COL27A1: variants seen among roughly 807,000 people sequenced by gnomAD.
COL27A1 encodes collagen alpha-1(XXVII) chain.
Under a neutral mutation model 251.3 loss-of-function variants are expected in COL27A1, and 106 were observed. That is an observed-to-expected ratio of 0.42 (90% CI 0.36 to 0.50). The LOEUF is 0.50. Among genes scored for constraint, COL27A1 ranks in the 20% least tolerant of loss-of-function variants. The pLI is 0.00. For missense variants in COL27A1, 2,325 were observed against 2,522.8 expected, an observed-to-expected ratio of 0.92 and a Z score of 1.68; for synonymous variants, 1,000 against 986.3, an observed-to-expected ratio of 1.01 and a Z score of -0.26.
chr9:114,266,809 G>A (rs1171093287), intron 33 of COL27A1, among the ~76,000 whole-genome samples, 191 bp downstream of exon 33: 1 of 152,184 alleles, frequency 6.6e-6, no homozygotes, highest in East Asian at 1.9e-4. Flanking sequence ...GGCATAGGTT[G>A]AGGAGCTGGC....
chr9:114,248,188 C>G (rs1193144473), intron 24 of COL27A1, among the ~76,000 whole-genome samples: 2 of 152,222 alleles, frequency 1.3e-5, no homozygotes, highest in Non-Finnish European at 1.5e-5. Flanking sequence ...CCTCCTGAGC[C>G]CTGGCCTGTC....
Position 114,267,569 on chromosome 9 carries a change from T to C in COL27A1, c.3501+12T>C. The C allele has an allele frequency of 6.3e-7, 1 of 1,594,212 alleles. No individual in the cohort carries two copies. Among genetic ancestry groups the C allele is most frequent in the Non-Finnish European group, 8.5e-7 (1 of 1,172,096 alleles). On this transcript the variant is annotated intron_variant, in intron 34 of 60. Transcript: ENST00000356083. ...AAGCCGGGATGAAGGTGAGGTGGGA[T>C]GAAAGAAGAGAAAAATGACTTGTTG...
intron 23 of COL27A1, among the ~76,000 whole-genome samples, chr9:114,244,250 C>A (rs1178650845): frequency 6.6e-6 from 1 of 152,116 alleles, no homozygotes; most frequent in Non-Finnish European, 1.5e-5. Flanking sequence ...TTTCTTTACG[C>A]ACAGAGCAGA....
intron 12 of COL27A1, 32 bp downstream of exon 12, chr9:114,211,058 C>T (rs753931258): frequency 6.2e-7 from 1 of 1,612,408 alleles, no homozygotes; most frequent in Admixed American, 1.7e-5. Flanking sequence ...TACGCAGACT[C>T]TAGCGGGGAA....
intron 37 of COL27A1, among the ~76,000 whole-genome samples, chr9:114,281,683 C>G (rs1390554278): frequency 6.6e-6 from 1 of 152,200 alleles, no homozygotes; most frequent in Non-Finnish European, 1.5e-5. Flanking sequence ...TCCTCTCCTG[C>G]CACCTCATGT....
intron 9 of COL27A1, 151 bp downstream of exon 9, chr9:114,205,963 C>A: frequency 2.8e-6 from 2 of 713,350 alleles, no homozygotes; most frequent in Non-Finnish European, 2.3e-6. Flanking sequence ...GGGACTGGAC[C>A]AAGGAAGCCT....
intron 49 of COL27A1, 82 bp from the exon 50 acceptor site, chr9:114,299,988 G>C: frequency 1.5e-6 from 2 of 1,340,006 alleles, no homozygotes; most frequent in Admixed American, 3.4e-5. Context: ...GAGGGAAAAG[G>C]CAGGCCCTGA....
At chr9:114,159,066 C>T (rs1268216566) in intron 1 of COL27A1, among the ~76,000 whole-genome samples, 1 of 152,154 alleles carries the variant, frequency 6.6e-6, no homozygotes, top group African/African-American at 2.4e-5. Context: ...GTTTATGGGT[C>T]AAGTGCACAC....
chr9:114,168,359 C>T lies in COL27A1; in HGVS notation c.804C>T (p.Gly268=). The T allele has an allele frequency of 6.2e-7, 1 of 1,613,404 alleles. No individual in the cohort carries two copies. The highest frequency in any genetic ancestry group is 2.2e-5 in the East Asian group (1 of 44,868). ...TCCAGTCCGACCTCGCCCTGCTAGG[C>T]CTGGAGAACTTGACCACTGCCACAC... ...FTFQSDLALL[G]LENLTTATPA... The change falls in exon 3 of 61, where the codon GGC becomes GGT. Residue 268 remains glycine (G), a synonymous_variant. Transcript: ENST00000356083.
chr9:114,154,262 G>A (rs780581123), upstream of COL27A1, among the ~76,000 whole-genome samples: 4 of 152,098 alleles, frequency 2.6e-5, no homozygotes, highest in Non-Finnish European at 5.9e-5. The surrounding 1 kb of genome is among the most constrained non-coding windows in gnomAD (Gnocchi z 5.8). Context: ...TTTAGGGAAG[G>A]GGACCTCGCC....
intron 12 of COL27A1, 73 bp from the exon 13 acceptor site, chr9:114,219,718 G>T: frequency 9.5e-7 from 1 of 1,049,934 alleles, no homozygotes; most frequent in African/African-American, 1.6e-5. Context: ...CCCCCCTGGG[G>T]GTCTGGATCA....
intron 12 of COL27A1, chr9:114,217,962 A>G: frequency 2.6e-6 from 1 of 384,014 alleles, no homozygotes; most frequent in South Asian, 1.9e-5. Flanking sequence ...AAAAATACAA[A>G]AATTAGCCAG....
At chr9:114,223,638 A>G (rs1027111532) in intron 14 of COL27A1, among the ~76,000 whole-genome samples, 2 of 152,184 alleles carry the variant, frequency 1.3e-5, no homozygotes, top group Non-Finnish European at 2.9e-5. Flanking sequence ...CACACAGTCC[A>G]TTCCAGTCCA....
At chr9:114,263,230 C>T (rs1329550300) in intron 28 of COL27A1, among the ~76,000 whole-genome samples, 1 of 152,118 alleles carries the variant, frequency 6.6e-6, no homozygotes, top group Non-Finnish European at 1.5e-5. Flanking sequence ...AGCCACTGTG[C>T]CCAGCCTTCC....
chr9:114,261,652 C>A (rs920756667), intron 28 of COL27A1, among the ~76,000 whole-genome samples: 3 of 152,238 alleles, frequency 2.0e-5, no homozygotes, highest in Non-Finnish European at 4.4e-5. Flanking sequence ...TCTCCAACAC[C>A]AGGCCCCAGT....
chr9:114,155,452 A>G (rs1848060136), upstream of COL27A1: 1 of 152,200 alleles, frequency 6.6e-6, no homozygotes, highest in African/African-American at 2.4e-5. The surrounding 1 kb of genome is among the most constrained non-coding windows in gnomAD (Gnocchi z 5.5). Flanking sequence ...GGGGCAGCAG[A>G]GGGCGGCCGG....
At position 114,245,713 on chromosome 9, in the gene COL27A1, A is replaced by G. The variant is rs867444023; in HGVS notation, c.2935-153A>G. ...TCCAAGTACCCCTTTGACTCTGCCC[A>G]TTTGTTGGGGGTCTCCAAGGCCACA... On this transcript the variant is annotated intron_variant, in intron 23 of 60. Coordinates refer to ENST00000356083, the MANE Select transcript of COL27A1 (RefSeq NM_032888.4). 2.7e-4 allele frequency among the ~76,000 whole-genome samples: 41 copies of G among 152,118 alleles called. 1 individual carries two copies. The highest frequency in any genetic ancestry group is 1.8e-4 in the Non-Finnish European group (12 of 68,022).
chr9:114,305,506 C>T (rs1828973432), intron 57 of COL27A1, among the ~76,000 whole-genome samples: 1 of 152,220 alleles, frequency 6.6e-6, no homozygotes. Flanking sequence ...GTTTATCAAG[C>T]ACCTCCTACC....
At chr9:114,174,138 T>C (rs1373582568) in intron 3 of COL27A1, among the ~76,000 whole-genome samples, 2 of 152,062 alleles carry the variant, frequency 1.3e-5, no homozygotes, top group African/African-American at 4.8e-5. Context: ...CCACCATGCC[T>C]GGCTAATTTT....
Sources: allele counts gnomAD v4.1 joint callset (sites outside exome capture counted in the v4.1 genomes callset), GRCh38; gene constraint gnomAD v4.1.1; non-coding constraint Gnocchi (gnomAD v3.1); transcripts MANE v1.5; gene names NCBI Gene and HGNC (gene_info 2026-07-23, HGNC 2026-07-21).